P3H3: variants seen among roughly 807,000 people sequenced by gnomAD.
P3H3 encodes gene rich cluster, B.
In P3H3, 64 loss-of-function variants were observed where a neutral mutation model predicts 78.1. That is an observed-to-expected ratio of 0.82 (90% CI 0.67 to 1.01). P3H3 has a LOEUF of 1.01. Ranked by LOEUF, P3H3 falls within the 50% of genes least tolerant of loss-of-function variation. The pLI is 0.00. For missense variants in P3H3, 975 were observed against 982.2 expected (o/e 0.99, Z 0.10); for synonymous variants, 425 against 416.7 (o/e 1.02, Z -0.24).
chr12:6,835,302 G>A (rs1359008151), intron 9 of P3H3, among the ~76,000 whole-genome samples: 5 of 152,148 alleles, frequency 3.3e-5, no homozygotes, highest in African/African-American at 4.8e-5. Flanking sequence ...ATCATCACTG[G>A]CTGGGTGTGG....
intron 2 of P3H3, among the ~76,000 whole-genome samples, 154 bp from the exon 3 acceptor site, chr12:6,830,199 A>C (rs1943433331): frequency 6.6e-6 from 1 of 152,200 alleles, no homozygotes; most frequent in African/African-American, 2.4e-5. Context: ...CTGATGTTCT[A>C]ACATTATGAT....
chr12:6,836,287 A>C (rs968173809), intron 9 of P3H3, among the ~76,000 whole-genome samples: 8 of 151,732 alleles, frequency 5.3e-5, no homozygotes, highest in Non-Finnish European at 1.2e-4. Context: ...GGTGTCTCTC[A>C]GAAGTGAGAT....
At chr12:6,837,699 A>G (rs1555122396) in intron 11 of P3H3, 33 bp from the exon 12 acceptor site, 12 of 1,595,918 alleles carry the variant, frequency 7.5e-6, no homozygotes, top group Non-Finnish European at 1.0e-5. Context: ...GCACAGGGGC[A>G]CAGAGGTACC....
At position 6,839,788 on chromosome 12, in the gene P3H3, G is replaced by C. The variant is rs1943543103; in HGVS notation, c.*327G>C. The C allele has an allele frequency of 9.3e-6, 3 of 323,592 alleles. No individual in the cohort carries two copies. Among genetic ancestry groups the C allele is most frequent in the Non-Finnish European group, 1.8e-5 (3 of 170,874 alleles). The allele number at this position is 323,592 out of a possible 1,614,324, so 20.0% of individuals were successfully genotyped here. A position where few individuals can be genotyped will look rare whatever the true frequency, so the allele number is the denominator to read the frequency against. On this transcript the variant is annotated 3_prime_UTR_variant, in exon 15 of 15. Coordinates refer to ENST00000290510, the MANE Select transcript of P3H3 (RefSeq NM_014262.5). ...TTAAATGAAGAGGATGGTGGGGTTG[G>C]GAGGTATAACCCTGCTCCTCTCTCC... is the stretch of plus-strand genomic sequence containing the variant.
At chr12:6,835,790 T>G (rs1221344513) in intron 9 of P3H3, among the ~76,000 whole-genome samples, 1 of 151,912 alleles carries the variant, frequency 6.6e-6, no homozygotes, top group Non-Finnish European at 1.5e-5. Context: ...GTTGCAGGAT[T>G]TTAGGACGGT....
In P3H3 at chr12:6,828,467, G is replaced by T; in HGVS notation, c.27G>T (p.Leu9=). The change falls in exon 1 of 15, where the codon CTG becomes CTT. Residue 9 remains leucine, a synonymous_variant. Transcript: ENST00000290510. The part of the protein sequence containing the change: MLRLLRPL[L]LLLLLPPPGS... ...TGCTCCGGCTCCTCCGGCCGCTGCT[G>T]CTACTGCTGCTGCTGCCTCCCCCGG... The T allele has an allele frequency of 8.2e-7, 1 of 1,223,662 alleles. No homozygotes were observed. Among genetic ancestry groups the T allele is most frequent in the Non-Finnish European group, 1.1e-6 (1 of 902,828 alleles). 75.8% of individuals were successfully genotyped at this position (1,223,662 alleles called of 1,614,324 possible).
chr12:6,828,558 C>A lies in P3H3; in HGVS notation c.118C>A (p.Leu40Ile). ...PGAPPQAPDL[L>I]YADGLRAYAA... ...GGCGCCCCCGCAGGCCCCCGACTTG[C>A]TCTACGCTGACGGGCTGCGCGCCTA... Residue 40 changes from leucine to isoleucine, a missense_variant, in exon 1 of 15, where the codon CTC becomes ATC. Coordinates refer to ENST00000290510, the MANE Select transcript of P3H3 (RefSeq NM_014262.5). The A allele has an allele frequency of 8.0e-7, 1 of 1,248,412 alleles. No homozygotes were observed. Among genetic ancestry groups the A allele is most frequent in the Non-Finnish European group, 1.0e-6 (1 of 996,662 alleles). 77.3% of individuals were successfully genotyped at this position (1,248,412 alleles called of 1,614,324 possible). A position where few individuals can be genotyped will look rare whatever the true frequency, so the allele number is the denominator to read the frequency against.
Position 6,830,568 on chromosome 12 carries a change from G to T in P3H3, c.853+14G>T. On this transcript the variant is annotated intron_variant, in intron 3 of 14. Transcript: ENST00000290510. ...AGGCCATTGCAGGTAAGGGTCCCGT[G>T]TGTGAGGGGGTGGGTCGGTGCCCAG... The T allele has an allele frequency of 6.3e-7, 1 of 1,577,464 alleles. No individual in the cohort carries two copies. Among genetic ancestry groups the T allele is most frequent in the Non-Finnish European group, 8.6e-7 (1 of 1,161,626 alleles).
At chr12:6,838,598 G>A (rs782333043) in intron 13 of P3H3, among the ~76,000 whole-genome samples, 2 of 152,266 alleles carry the variant, frequency 1.3e-5, no homozygotes, top group Admixed American at 6.5e-5. Context: ...GAGGAGAGGG[G>A]CAGTGATTGT....
intron 4 of P3H3, chr12:6,830,998 C>T (rs975171945): frequency 6.0e-6 from 5 of 828,584 alleles, no homozygotes; most frequent in African/African-American, 5.0e-5. Context: ...CCTTTATTTT[C>T]CCCCCTCTTG....
rs1555121021 is a variant in P3H3, at chr12:6,829,849, G to A, written c.499-10G>A. 3 of 1,613,826 alleles carry A rather than the reference G, an allele frequency of 1.9e-6. No homozygotes were observed. The highest frequency in any genetic ancestry group is 1.3e-5 in the African/African-American group (1 of 75,018). ...AGGGCTCTGATGCCCTCCTCCCTTCGCCTCCTCAGTTGAAGAAGCTGGATC... is the reference window on the plus strand; with the variant it reads ...AGGGCTCTGATGCCCTCCTCCCTTCACCTCCTCAGTTGAAGAAGCTGGATC... On this transcript the variant is annotated splice_polypyrimidine_tract_variant and intron_variant, in intron 1 of 14. Coordinates refer to ENST00000290510, the MANE Select transcript of P3H3 (RefSeq NM_014262.5). The surrounding 1 kb of genome is among the most constrained non-coding windows in gnomAD (Gnocchi z 5.1).
Position 6,834,655 on chromosome 12 carries a change from G to C in P3H3, c.1458+606G>C, listed in dbSNP as rs192820832. On this transcript the variant is annotated intron_variant, in intron 9 of 14. Transcript: ENST00000290510. ...TTTGGTAAAAGAAGTATGTTTTTGG[G>C]CTGGGTATGGTGGCTCATGCCTGTA... Among the ~76,000 whole-genome samples, 94 of 152,320 alleles carry C rather than the reference G, an allele frequency of 6.2e-4. 3 individuals carry two copies. The East Asian group carries it at 0.014, about 23-fold the overall frequency.
intron 6 of P3H3, among the ~76,000 whole-genome samples, chr12:6,832,592 GT>G (rs1264805936): frequency 6.6e-6 from 1 of 151,862 alleles, no homozygotes; most frequent in Non-Finnish European, 1.5e-5. Flanking sequence ...TCTGAAGCTA[GT>G]TTTTTTTATT....
chr12:6,831,434 C>G lies in P3H3; in HGVS notation c.1122+82C>G, dbSNP rs199707222. 5.1e-6 allele frequency: 8 copies of G among 1,565,160 alleles called. No homozygotes were observed. Among genetic ancestry groups the G allele is most frequent in the East Asian group, 2.3e-5 (1 of 43,350 alleles). On this transcript the variant is annotated intron_variant, in intron 5 of 14. Coordinates refer to ENST00000290510, the MANE Select transcript of P3H3 (RefSeq NM_014262.5). This position sits in a 1 kb window ranked among gnomAD's most constrained non-coding sequence, Gnocchi z 4.6. ...GAGAAGTAACCTGGACCCCCACCCCCCGCTGGCCTCTTACCCGAGCACTCT... is the reference window on the plus strand; with the variant it reads ...GAGAAGTAACCTGGACCCCCACCCCGCGCTGGCCTCTTACCCGAGCACTCT...
In P3H3 at chr12:6,830,364, C is replaced by T. The variant is rs1555121126; in HGVS notation, c.663C>T (p.Asp221=). ...LETPPHWAAY[D]TGLELLGRQE... ...CCCTTCCCCAACAGGCAGCCTATGA[C>T]ACTGGCCTGGAGCTACTGGGGCGCC... The change falls in exon 3 of 15, where the codon GAC becomes GAT. Residue 221 remains aspartate (D), a synonymous_variant. Coordinates refer to ENST00000290510, the MANE Select transcript of P3H3 (RefSeq NM_014262.5). The T allele has an allele frequency of 1.9e-6, 3 of 1,581,138 alleles. No homozygotes were observed. Among genetic ancestry groups the T allele is most frequent in the South Asian group, 2.3e-5 (2 of 86,192 alleles).
At position 6,837,103 on chromosome 12, in the gene P3H3, C is replaced by T. The variant is rs782424518; in HGVS notation, c.1560+17C>T. 3 of 1,588,812 alleles carry T rather than the reference C, an allele frequency of 1.9e-6. No individual in the cohort carries two copies. Among genetic ancestry groups the T allele is most frequent in the East Asian group, 2.2e-5 (1 of 44,824 alleles). On this transcript the variant is annotated intron_variant, in intron 10 of 14. Transcript: ENST00000290510. ...GCTGCGCAGGTGAGCACAGGAGGCA[C>T]CCGGGCCCGTCTGATGCCCAGACCT...
intron 13 of P3H3, 104 bp from the exon 14 acceptor site, chr12:6,838,896 G>A: frequency 1.0e-6 from 1 of 992,526 alleles, no homozygotes; most frequent in Non-Finnish European, 1.4e-6. Flanking sequence ...TAGCGAGAGA[G>A]CTGATCCTCT....
chr12:6,832,351 C>G (rs983274883), intron 6 of P3H3, among the ~76,000 whole-genome samples: 1 of 152,120 alleles, frequency 6.6e-6, no homozygotes, highest in Non-Finnish European at 1.5e-5. Context: ...GTCTTCCTGG[C>G]GCTACTGATA....
chr12:6,839,782 G>C lies in P3H3; in HGVS notation c.*321G>C. The C allele has an allele frequency of 3.0e-6, 1 of 332,798 alleles. No homozygotes were observed. The highest frequency in any genetic ancestry group is 5.7e-6 in the Non-Finnish European group (1 of 176,264). 20.6% of individuals were successfully genotyped at this position (332,798 alleles called of 1,614,324 possible). ...GATGCTTTAAATGAAGAGGATGGTGGGGTTGGGAGGTATAACCCTGCTCCT... is the reference window on the plus strand; with the variant it reads ...GATGCTTTAAATGAAGAGGATGGTGCGGTTGGGAGGTATAACCCTGCTCCT... On this transcript the variant is annotated 3_prime_UTR_variant, in exon 15 of 15. Transcript: ENST00000290510.
Sources: gnomAD v4.1 joint callset for allele counts (sites outside exome capture counted in the v4.1 genomes callset) on GRCh38, gnomAD v4.1.1 for gene constraint, Gnocchi (gnomAD v3.1) non-coding constraint, MANE v1.5 for transcripts, NCBI Gene and HGNC (gene_info 2026-07-23, HGNC 2026-07-21) for gene names.